Variants in EPS8L1 observed in about 807,000 individuals in gnomAD.
EPS8L1 encodes epidermal growth factor receptor kinase substrate 8-like protein 1.
A neutral mutation model predicts 91.7 loss-of-function variants in EPS8L1; 101 were observed. The ratio of observed to expected loss-of-function variants is 1.10; its 90% CI spans 0.94 to 1.30. The LOEUF (loss-of-function observed/expected upper bound fraction) is 1.30. Among genes scored for constraint, EPS8L1 ranks in the 50% most tolerant of loss-of-function variants. EPS8L1 has a pLI of 0.00. For missense variants in EPS8L1, 1,114 were observed against 1,017.0 expected (o/e 1.10, Z -1.30); for synonymous variants, 506 against 445.3 (o/e 1.14, Z -1.72).
intron 14 of EPS8L1, chr19:55,084,105 G>T (rs1160163847): frequency 3.7e-6 from 1 of 267,176 alleles, no homozygotes; most frequent in Non-Finnish European, 7.2e-6. Flanking sequence ...TGGGATCCTG[G>T]AGACCCAGAG....
chr19:55,075,960 G>C (rs2076114202), intron 1 of EPS8L1, 41 bp downstream of exon 1: 1 of 160,606 alleles, frequency 6.2e-6, no homozygotes, highest in African/African-American at 2.4e-5. Flanking sequence ...GCCGGGGCTT[G>C]ACCAATGGGT....
Position 55,076,438 on chromosome 19 carries a change from C to A in EPS8L1, c.-7C>A. The A allele has an allele frequency of 1.2e-6, 2 of 1,612,340 alleles. No homozygotes were observed. Among genetic ancestry groups the A allele is most frequent in the South Asian group, 2.2e-5 (2 of 91,020 alleles). On this transcript the variant is annotated 5_prime_UTR_variant, in exon 2 of 20. Coordinates refer to ENST00000201647, the MANE Select transcript of EPS8L1 (RefSeq NM_133180.3). ...CTCCAGGTGGGCAGGAGCTACCACT[C>A]AGCACCATGAGCACCGCCACAGGGT...
chr19:55,081,372 C>A lies in EPS8L1; in HGVS notation c.654C>A (p.Pro218=). The A allele has an allele frequency of 1.3e-6, 2 of 1,574,930 alleles. No homozygotes were observed. Among genetic ancestry groups the A allele is most frequent in the East Asian group, 2.3e-5 (1 of 43,130 alleles). The change falls in exon 8 of 20, where the codon CCC becomes CCA. Residue 218 remains proline (P), a synonymous_variant. Transcript: ENST00000201647. This position sits in a 1 kb window ranked among gnomAD's most constrained non-coding sequence, Gnocchi z 4.9. ...GRGRPQAKPI[P]EAEEAQRPEP... ...GACGACCCCAGGCGAAGCCCATTCC[C>A]GAGGCAGAGGAGGCGCAGAGGCCTG...
At position 55,087,755 on chromosome 19, in the gene EPS8L1, AC is replaced by A. The variant is rs2076368631; in HGVS notation, c.*142del. 6 of 855,612 alleles carry A rather than the reference AC, an allele frequency of 7.0e-6. No individual in the cohort carries two copies. The South Asian group carries it at 9.5e-5, about 14-fold the overall frequency. 53.0% of individuals were successfully genotyped at this position (855,612 alleles called of 1,614,324 possible). Reference sequence around the variant, plus strand: ...GGTCTTCCCCCATCCCGGTGGACAGACTTAACGATCCTTGCTGCAGTCCCTC... The same window carrying A: ...GGTCTTCCCCCATCCCGGTGGACAGATTAACGATCCTTGCTGCAGTCCCTC... On this transcript the variant is annotated 3_prime_UTR_variant, in exon 20 of 20. Transcript: ENST00000201647.
chr19:55,077,989 C>T, intron 2 of EPS8L1, 99 bp from the exon 3 acceptor site: 1 of 806,728 alleles, frequency 1.2e-6, no homozygotes, highest in Non-Finnish European at 2.1e-6. Context: ...CCATCGCTCC[C>T]CATTACCTTC....
Position 55,081,555 on chromosome 19 carries a change from G to A in EPS8L1, c.774+63G>A. ...GCGACTGGAGGCGGGGCTAGGGCGT[G>A]GAAGGGCGGGGCCGGCTGCGGGACG... On this transcript the variant is annotated intron_variant, in intron 8 of 19. Transcript: ENST00000201647. This position sits in a 1 kb window ranked among gnomAD's most constrained non-coding sequence, Gnocchi z 4.9. 4.0e-6 allele frequency: 6 copies of A among 1,487,170 alleles called. No homozygotes were observed. The highest frequency in any genetic ancestry group is 4.5e-6 in the Non-Finnish European group (5 of 1,120,542). 92.1% of individuals were successfully genotyped at this position (1,487,170 alleles called of 1,614,324 possible).
At chr19:55,078,208 A>G in intron 3 of EPS8L1, 80 bp downstream of exon 3, 1 of 1,275,970 alleles carries the variant, frequency 7.8e-7, no homozygotes, top group South Asian at 1.3e-5. Context: ...GTCTTGGAGG[A>G]GGAGGGGCTG....
Position 55,083,626 on chromosome 19 carries a change from C to T in EPS8L1, c.1367C>T (p.Pro456Leu), listed in dbSNP as rs1345479580. The T allele has an allele frequency of 1.3e-6, 2 of 1,595,966 alleles. No homozygotes were observed. Among genetic ancestry groups the T allele is most frequent in the African/African-American group, 1.3e-5 (1 of 74,830 alleles). Residue 456 changes from proline (P) to leucine (L), a missense_variant, in exon 14 of 20, where the codon CCC becomes CTC. By Grantham distance (98) the Pro-to-Leu change is moderately conservative (BLOSUM62 -3). Transcript: ENST00000201647. The surrounding 1 kb of genome is among the most constrained non-coding windows in gnomAD (Gnocchi z 4.7). ...TCTTACTTCCTACAGCAAAGCGCCC[C>T]CCAGGTCGCTGTCAATGGGTGAGTG... ...HERRRRQQSA[P>L]QVAVNGHRDL... is the part of the protein sequence containing the mutation.
At chr19:55,076,092 A>ACT (rs1568769710) in intron 1 of EPS8L1, among the ~76,000 whole-genome samples, 173 bp downstream of exon 1, 65 of 36,442 alleles carry the variant, frequency 1.8e-3, no homozygotes, top group African/African-American at 3.4e-3. Flanking sequence ...CTGAGGGAGG[A>ACT]GGGGCTGAGG....
Position 55,081,252 on chromosome 19 carries a change from G to A in EPS8L1, c.534G>A (p.Gln178=), listed in dbSNP as rs200865781. Residue 178 remains glutamine (Q), a synonymous_variant, in exon 8 of 20, where the codon CAG becomes CAA. Coordinates refer to ENST00000201647, the MANE Select transcript of EPS8L1 (RefSeq NM_133180.3). The surrounding 1 kb of genome is among the most constrained non-coding windows in gnomAD (Gnocchi z 4.9). Reference sequence around the variant, plus strand: ...GCAGGGCCACGCAGGAGGAGTTGCAGCGCGACCGCTCGCCCGCCGCTGAGA... The same window carrying A: ...GCAGGGCCACGCAGGAGGAGTTGCAACGCGACCGCTCGCCCGCCGCTGAGA... The part of the protein sequence containing the change: ...AALRATQEEL[Q]RDRSPAAETP... 3.5e-4 allele frequency: 526 copies of A among 1,514,312 alleles called. 2 individuals are homozygous for A. Among genetic ancestry groups the A allele is most frequent in the Middle Eastern group, 1.5e-3 (7 of 4,570 alleles). The allele number at this position is 1,514,312 out of a possible 1,614,324, so 93.8% of individuals were successfully genotyped here. A position where few individuals can be genotyped will look rare whatever the true frequency, so the allele number is the denominator to read the frequency against.
chr19:55,084,948 G>A (rs1449526102), intron 14 of EPS8L1, among the ~76,000 whole-genome samples: 3 of 152,076 alleles, frequency 2.0e-5, no homozygotes, highest in Non-Finnish European at 4.4e-5. Flanking sequence ...CCCTGGTCCC[G>A]GGCTGGCGAT....
At chr19:55,084,356 C>G (rs1208441558) in intron 14 of EPS8L1, 1 of 152,880 alleles carries the variant, frequency 6.5e-6, no homozygotes. Context: ...GAGGAAAGAA[C>G]ATTCCAAGTC....
rs1261522126 is a variant in EPS8L1 at position 55,080,838 on chromosome 19, A to T, written c.496A>T (p.Arg166Trp). ...TTACCGCTCGGGCCGCGGGGAGCGC[A>T]GGGCGGCGGCGCTCAGGTGAGAGGG... ...HNYRSGRGER[R>W]AAALRATQEE... Residue 166 changes from arginine to tryptophan, a missense_variant, in exon 7 of 20, where the codon AGG (arginine) becomes TGG (tryptophan). Transcript: ENST00000201647. 1 of 1,610,410 alleles carries T rather than the reference A, an allele frequency of 6.2e-7. No homozygotes were observed. The highest frequency in any genetic ancestry group is 8.5e-7 in the Non-Finnish European group (1 of 1,178,338).
Position 55,078,094 on chromosome 19 carries a change from A to T in EPS8L1, c.24A>T (p.Glu8Asp), listed in dbSNP as rs1326118202. The change falls in exon 3 of 20, where the codon GAA becomes GAT. Residue 8 changes from glutamate to aspartate, a missense_variant. Physicochemically the swap from Glu to Asp is conservative, Grantham distance 45. Coordinates refer to ENST00000201647, the MANE Select transcript of EPS8L1 (RefSeq NM_133180.3). Reference sequence around the variant, plus strand: ...TTCCTCTTTTCTTCACCAGCCCAGAAGCTGCCCCAAAGCCAAGCGCCAAGT... The same window carrying T: ...TTCCTCTTTTCTTCACCAGCCCAGATGCTGCCCCAAAGCCAAGCGCCAAGT... MSTATGPEAAPKPSAKSI... is the reference protein window; with the variant it reads MSTATGPDAAPKPSAKSI... The T allele has an allele frequency of 3.7e-6, 6 of 1,613,712 alleles. No homozygotes were observed. The highest frequency in any genetic ancestry group is 5.1e-6 in the Non-Finnish European group (6 of 1,179,916).
At chr19:55,084,874 G>A (rs1281788706) in intron 14 of EPS8L1, among the ~76,000 whole-genome samples, 1 of 152,178 alleles carries the variant, frequency 6.6e-6, no homozygotes, top group African/African-American at 2.4e-5. Context: ...TTAAGGCTGT[G>A]ACCAGGTTCA....
Position 55,079,457 on chromosome 19 carries a change from T to A in EPS8L1, c.118-233T>A, listed in dbSNP as rs541943806. 52 of 601,954 alleles carry A rather than the reference T, an allele frequency of 8.6e-5. 1 individual carries two copies. Among genetic ancestry groups the A allele is most frequent in the South Asian group, 8.4e-4 (40 of 47,388 alleles). 37.3% of individuals were successfully genotyped at this position (601,954 alleles called of 1,614,324 possible). A position where few individuals can be genotyped will look rare whatever the true frequency, so the allele number is the denominator to read the frequency against. ...AGAGCTATAATCCAGACTCCTTCCC[T>A]GCCCGCAAGGAGCCTCCAGTCTGTG... On this transcript the variant is annotated intron_variant, in intron 4 of 19. Transcript: ENST00000201647.
At position 55,085,822 on chromosome 19, in the gene EPS8L1, C is replaced by A. The variant is rs1201738781; in HGVS notation, c.1386-19C>A. 1.2e-6 allele frequency: 2 copies of A among 1,606,372 alleles called. No homozygotes were observed. The highest frequency in any genetic ancestry group is 2.2e-5 in the East Asian group (1 of 44,686). On this transcript the variant is annotated intron_variant, in intron 14 of 19. Transcript: ENST00000201647. Reference sequence around the variant, plus strand: ...GGGCTGGCTGCCTCCTTATCTCCAACCCTCCCGCTTCTCCTCAGTCACCGA... The same window carrying A: ...GGGCTGGCTGCCTCCTTATCTCCAAACCTCCCGCTTCTCCTCAGTCACCGA...
At chr19:55,076,498 C>T (rs1346121303) in intron 2 of EPS8L1, 37 bp downstream of exon 2, 6 of 1,604,624 alleles carry the variant, frequency 3.7e-6, no homozygotes, top group African/African-American at 1.3e-5. Context: ...AGCCCCAGCA[C>T]GCCTCCCGCC....
chr19:55,080,060 C>T, intron 5 of EPS8L1, 69 bp from the exon 6 acceptor site: 1 of 1,456,264 alleles, frequency 6.9e-7, no homozygotes, highest in East Asian at 2.5e-5. Flanking sequence ...TGCTGGCCCA[C>T]ACTCCCGTCG....
Sources: gnomAD v4.1 joint callset for allele counts (sites outside exome capture counted in the v4.1 genomes callset) on GRCh38, gnomAD v4.1.1 for gene constraint, Gnocchi (gnomAD v3.1) non-coding constraint, MANE v1.5 for transcripts, NCBI Gene and HGNC (gene_info 2026-07-23, HGNC 2026-07-21) for gene names.